PCDH15: variants seen among roughly 807,000 people sequenced by gnomAD.
PCDH15 encodes protocadherin related 15.
PCDH15 carries 129 observed loss-of-function variants against 178.5 expected under a neutral mutation model. That is an observed-to-expected ratio of 0.72 (90% CI 0.63 to 0.84). PCDH15 has a LOEUF of 0.84. PCDH15 is among the 40% of genes least tolerant of loss of function. The probability of loss-of-function intolerance (pLI) is 0.00; values close to 1 mark genes in which losing one functional copy is unlikely to be tolerated. For missense variants in PCDH15, 2,230 were observed against 2,099.9 expected (o/e 1.06, Z -1.21); for synonymous variants, 800 against 732.0 (o/e 1.09, Z -1.50).
chr10:54,526,993 C>T (rs1406666988), intron 3 of PCDH15, among the ~76,000 whole-genome samples: 3 of 152,084 alleles, frequency 2.0e-5, no homozygotes, highest in Non-Finnish European at 4.4e-5. Context: ...CAAGCACATA[C>T]TTTAGAACAA....
At chr10:53,899,548 AT>A (rs2082186790) in intron 26 of PCDH15, among the ~76,000 whole-genome samples, 3 of 152,140 alleles carry the variant, frequency 2.0e-5, no homozygotes, top group Non-Finnish European at 4.4e-5. Context: ...ACATATTTAC[AT>A]TTAACTTTTA....
chr10:55,166,110 C>T (rs1839189838), intron 2 of PCDH15, among the ~76,000 whole-genome samples: 1 of 152,044 alleles, frequency 6.6e-6, no homozygotes. Context: ...GATTTTCATC[C>T]TGAAAATGTC....
At chr10:54,507,351 CTA>C (rs542871940) in intron 3 of PCDH15, among the ~76,000 whole-genome samples, 32 of 150,010 alleles carry the variant, frequency 2.1e-4, no homozygotes, top group South Asian at 4.2e-4. Context: ...AATATACATG[CTA>C]TATATATATA....
chr10:54,536,997 CT>C (rs747880795), intron 2 of PCDH15, among the ~76,000 whole-genome samples: 31,884 of 90,860 alleles, frequency 0.35, 3,084 homozygotes, highest in Admixed American at 0.46. Flanking sequence ...AATTTGTTTC[CT>C]TTTTTTTTTT....
At chr10:54,442,459 T>TATATACAC (rs1469736625) in intron 3 of PCDH15, among the ~76,000 whole-genome samples, 1 of 93,474 alleles carries the variant, frequency 1.1e-5, no homozygotes, top group African/African-American at 4.8e-5. Flanking sequence ...TATATATATA[T>TATATACAC]ACAGTCTTTT....
intron 2 of PCDH15, among the ~76,000 whole-genome samples, chr10:55,482,093 C>G (rs142076276): frequency 6.6e-6 from 1 of 151,580 alleles, no homozygotes; most frequent in Non-Finnish European, 1.5e-5. Flanking sequence ...GCCTTTTTGG[C>G]TTTTTTGATC....
At chr10:54,290,583 TA>T (rs765958846) in intron 8 of PCDH15, among the ~76,000 whole-genome samples, 3 of 152,158 alleles carry the variant, frequency 2.0e-5, no homozygotes, top group Non-Finnish European at 4.4e-5. Context: ...ATGTCCTAAT[TA>T]AAAGATACAG....
At chr10:54,414,068 C>G (rs948898655) in intron 3 of PCDH15, among the ~76,000 whole-genome samples, 12 of 152,036 alleles carry the variant, frequency 7.9e-5, no homozygotes, top group African/African-American at 2.9e-4. Context: ...ACACTTGTAC[C>G]CCTTAAATTT....
intron 22 of PCDH15, 88 bp downstream of exon 22, chr10:53,961,664 A>C: frequency 1.0e-6 from 1 of 998,098 alleles, no homozygotes; most frequent in Non-Finnish European, 1.4e-6. Context: ...AAAAATTGAA[A>C]GAAAAAAATG....
At chr10:55,154,082 A>G (rs1454827497) in intron 2 of PCDH15, among the ~76,000 whole-genome samples, 5 of 152,168 alleles carry the variant, frequency 3.3e-5, no homozygotes. Flanking sequence ...TTCCTATTAT[A>G]CAGCCTAATT....
chr10:54,671,152 C>T (rs896946015), intron 1 of PCDH15, among the ~76,000 whole-genome samples: 4 of 151,860 alleles, frequency 2.6e-5, no homozygotes, highest in Non-Finnish European at 5.9e-5. Context: ...AAAATATAAC[C>T]AAGTAAATTT....
intron 21 of PCDH15, among the ~76,000 whole-genome samples, chr10:53,992,966 G>A (rs1490923623): frequency 6.6e-6 from 1 of 152,074 alleles, no homozygotes; most frequent in Admixed American, 6.6e-5. Flanking sequence ...AGTTTTTCCA[G>A]TTTCTCTGAT....
intron 1 of PCDH15, among the ~76,000 whole-genome samples, chr10:54,775,393 T>C (rs1949575370): frequency 6.6e-6 from 1 of 152,140 alleles, no homozygotes; most frequent in African/African-American, 2.4e-5. Flanking sequence ...ATGGAGTACA[T>C]AGTGATGTTT....
chr10:55,334,881 C>A (rs936304169), intron 2 of PCDH15, among the ~76,000 whole-genome samples: 1 of 152,138 alleles, frequency 6.6e-6, no homozygotes, highest in African/African-American at 2.4e-5. Context: ...ATGCTGAATG[C>A]TTTAAAACAG....
intron 2 of PCDH15, among the ~76,000 whole-genome samples, chr10:55,571,390 T>C (rs1036407781): frequency 3.9e-5 from 6 of 152,064 alleles, no homozygotes; most frequent in Admixed American, 6.6e-5. Context: ...ACTAACACAA[T>C]ATTTTTAATG....
At chr10:54,246,340 T>A (rs535414973) in intron 8 of PCDH15, among the ~76,000 whole-genome samples, 103 of 152,020 alleles carry the variant, frequency 6.8e-4, no homozygotes, top group South Asian at 3.3e-3. Flanking sequence ...CCTACTTCCA[T>A]CCTAGAGATG....
rs1564507300 is a variant in PCDH15, at chr10:53,806,935, A to AGTT, written c.4864_4866dup (p.Asn1622dup). 1.2e-6 allele frequency: 2 copies of AGTT among 1,613,850 alleles called. No homozygotes were observed. The highest frequency in any genetic ancestry group is 1.7e-5 in the Admixed American group (1 of 60,014). ...AGTCGAACAGGGGAAGCAACTTTTA[A>AGTT]GTTGTCCGTGAGGCAGGCACGGCGG... is the stretch of plus-strand genomic sequence containing the variant. On this transcript the variant is annotated inframe_insertion, in exon 38 of 38. Transcript: ENST00000644397.
At chr10:54,934,346 A>G (rs984947675) in intron 2 of PCDH15, among the ~76,000 whole-genome samples, 3 of 152,178 alleles carry the variant, frequency 2.0e-5, no homozygotes, top group African/African-American at 7.2e-5. Flanking sequence ...TTATGTTAAT[A>G]GTTATATATA....
intron 8 of PCDH15, among the ~76,000 whole-genome samples, chr10:54,270,724 G>C (rs992075595): frequency 1.3e-5 from 2 of 152,088 alleles, no homozygotes; most frequent in Admixed American, 1.3e-4. Context: ...AAAGGATCTA[G>C]ATTTTCTCTC....
Sources: gnomAD v4.1 joint callset for allele counts (sites outside exome capture counted in the v4.1 genomes callset) on GRCh38, gnomAD v4.1.1 for gene constraint, MANE v1.5 for transcripts, NCBI Gene and HGNC (gene_info 2026-07-23, HGNC 2026-07-21) for gene names.